The following EPM2A variants were observed in gnomAD, a reference collection of about 807,000 sequenced individuals.
The protein encoded by EPM2A is laforin.
A neutral mutation model predicts 26.5 loss-of-function variants in EPM2A; 21 were observed. That is an observed-to-expected ratio of 0.79 (90% CI 0.56 to 1.14). The LOEUF is 1.14. EPM2A is among the 50% of genes most tolerant of loss of function. The pLI, the probability that EPM2A is intolerant of heterozygous loss-of-function variation, is 0.00. For missense variants in EPM2A, 458 were observed against 440.8 expected, an observed-to-expected ratio of 1.04 and a Z score of -0.35; for synonymous variants, 217 against 177.6, an observed-to-expected ratio of 1.22 and a Z score of -1.76.
chr6:145,444,118 C>T (rs1118771), intron 4 of EPM2A, among the ~76,000 whole-genome samples: 119,769 of 152,138 alleles, frequency 0.79, 47,320 homozygotes, highest in East Asian at 0.9. Context: ...TTTAGCTTGC[C>T]TGACTGCTCT....
chr6:145,456,580 C>A (rs1230199936), intron 4 of EPM2A, among the ~76,000 whole-genome samples: 1 of 152,072 alleles, frequency 6.6e-6, no homozygotes, highest in Non-Finnish European at 1.5e-5. Flanking sequence ...TGACCATTTC[C>A]ATTCCATTTT....
intron 1 of EPM2A, among the ~76,000 whole-genome samples, chr6:145,695,479 T>G (rs781671693): frequency 6.6e-5 from 10 of 151,412 alleles, no homozygotes; most frequent in Non-Finnish European, 1.2e-4. Context: ...GATTGAATTC[T>G]CCAATCAAAA....
chr6:145,606,704 G>T (rs1157246789), intron 2 of EPM2A, among the ~76,000 whole-genome samples: 3 of 152,082 alleles, frequency 2.0e-5, no homozygotes, highest in African/African-American at 7.2e-5. Flanking sequence ...GTCCCCTCTG[G>T]TTAGTCTAGA....
intron 2 of EPM2A, among the ~76,000 whole-genome samples, chr6:145,655,650 C>T (rs1778223373): frequency 6.6e-6 from 1 of 152,006 alleles, no homozygotes; most frequent in Admixed American, 6.6e-5. Context: ...TGTTGCTTGT[C>T]AGGTTTTAGA....
chr6:145,518,228 G>T (rs1780155802), intron 2 of EPM2A, among the ~76,000 whole-genome samples: 1 of 152,130 alleles, frequency 6.6e-6, no homozygotes, highest in African/African-American at 2.4e-5. Context: ...GAAGTTTTTG[G>T]TTAGGATAAA....
chr6:145,609,217 G>C (rs1390319044), intron 2 of EPM2A, among the ~76,000 whole-genome samples: 1 of 152,152 alleles, frequency 6.6e-6, no homozygotes, highest in Non-Finnish European at 1.5e-5. Flanking sequence ...AAATAAATAG[G>C]AGAGCAGAAC....
chr6:145,477,186 T>G (rs1582785850), intron 4 of EPM2A, among the ~76,000 whole-genome samples: 1 of 151,616 alleles, frequency 6.6e-6, no homozygotes, highest in South Asian at 2.1e-4. Context: ...AATTGGAAAA[T>G]GGACAAAGTC....
chr6:145,711,304 C>T (rs1341572689), intron 1 of EPM2A, among the ~76,000 whole-genome samples: 1 of 152,124 alleles, frequency 6.6e-6, no homozygotes. Flanking sequence ...CATTATACCG[C>T]AGGAGCTTGT....
intron 1 of EPM2A, among the ~76,000 whole-genome samples, chr6:145,693,747 T>C (rs960869983): frequency 1.3e-5 from 2 of 152,046 alleles, no homozygotes; most frequent in African/African-American, 4.8e-5. Flanking sequence ...CTCACTATGT[T>C]GGGATAAACT....
chr6:145,692,014 G>T (rs1781309955), intron 1 of EPM2A, among the ~76,000 whole-genome samples: 1 of 151,878 alleles, frequency 6.6e-6, no homozygotes, highest in Non-Finnish European at 1.5e-5. Flanking sequence ...ACACAGGTGG[G>T]AAGTAAAAGC....
At chr6:145,657,295 G>T (rs1476427267) in intron 2 of EPM2A, among the ~76,000 whole-genome samples, 1 of 151,900 alleles carries the variant, frequency 6.6e-6, no homozygotes, top group Non-Finnish European at 1.5e-5. Flanking sequence ...TCACCATATT[G>T]GCCAGGCCAG....
chr6:145,665,632 G>T (rs1041609225), intron 2 of EPM2A, among the ~76,000 whole-genome samples: 2 of 147,034 alleles, frequency 1.4e-5, no homozygotes, highest in South Asian at 4.4e-4. Context: ...CCAATCAATA[G>T]AAAAAGAGGG....
At chr6:145,486,988 T>C (rs1400815328) in intron 4 of EPM2A, among the ~76,000 whole-genome samples, 1 of 152,074 alleles carries the variant, frequency 6.6e-6, no homozygotes, top group Non-Finnish European at 1.5e-5. Context: ...ATCCTCTCCC[T>C]CCTCTCACCC....
At chr6:145,450,157 C>T (rs1339425813) in intron 4 of EPM2A, among the ~76,000 whole-genome samples, 4 of 151,536 alleles carry the variant, frequency 2.6e-5, no homozygotes, top group East Asian at 1.9e-4. Context: ...ATCAAGACCA[C>T]CCTGGCTAAC....
At chr6:145,574,761 C>T (rs1025917943) in intron 2 of EPM2A, among the ~76,000 whole-genome samples, 1 of 152,142 alleles carries the variant, frequency 6.6e-6, no homozygotes, top group African/African-American at 2.4e-5. Flanking sequence ...AGCAAATAAA[C>T]TATTAGAACC....
intron 1 of EPM2A, among the ~76,000 whole-genome samples, chr6:145,726,613 G>A (rs186867206): frequency 6.6e-6 from 1 of 152,042 alleles, no homozygotes; most frequent in Admixed American, 6.6e-5. Context: ...ATGTAATAAG[G>A]AAGGCACTTT....
At chr6:145,478,686 C>A (rs1779570792) in intron 4 of EPM2A, among the ~76,000 whole-genome samples, 2 of 151,876 alleles carry the variant, frequency 1.3e-5, no homozygotes, top group Admixed American at 1.3e-4. Flanking sequence ...CTTTTCATTT[C>A]ATCCCATATG....
chr6:145,444,475 A>C (rs1779106230), intron 4 of EPM2A, among the ~76,000 whole-genome samples: 1 of 152,122 alleles, frequency 6.6e-6, no homozygotes, highest in Admixed American at 6.5e-5. Context: ...GTGCTGCTGT[A>C]CTCAGTTTGC....
chr6:145,631,346 A>G (rs1473464472), intron 3 of EPM2A: 3 of 152,182 alleles, frequency 2.0e-5, no homozygotes, highest in Admixed American at 1.3e-4. Flanking sequence ...TAAAAACAAT[A>G]AAACCTCAAG....
Sources: gnomAD v4.1 joint callset for allele counts (sites outside exome capture counted in the v4.1 genomes callset) on GRCh38, gnomAD v4.1.1 for gene constraint, MANE v1.5 for transcripts, NCBI Gene and HGNC (gene_info 2026-07-23, HGNC 2026-07-21) for gene names.